KLF8: variants seen among roughly 807,000 people sequenced by gnomAD.
KLF8 encodes KLF transcription factor 8.
In KLF8, 10 loss-of-function variants were observed where a neutral mutation model predicts 18.2. The observed-to-expected ratio is 0.55, with a 90% confidence interval of 0.34 to 0.93. The LOEUF is 0.93. Ranked by LOEUF, KLF8 falls within the 40% of genes least tolerant of loss-of-function variation. The pLI, the probability that KLF8 is intolerant of heterozygous loss-of-function variation, is 0.02. For synonymous variants in KLF8, 109 were observed against 97.3 expected (o/e 1.12, Z -0.71); for missense variants, 264 against 277.9 (o/e 0.95, Z 0.36).
In KLF8 at chrX:56,268,922, G is replaced by A. The variant is rs771806501; in HGVS notation, c.647-456G>A. ...ACTTATTTCTGTTTAGGAGCACAAA[G>A]GCCAAGGTGGATGTTCTCACATCTG... On this transcript the variant is annotated intron_variant, in intron 3 of 5. Coordinates refer to ENST00000468660, the MANE Select transcript of KLF8 (RefSeq NM_007250.5). 5.8e-5 allele frequency: 55 copies of A among 950,701 alleles called. No homozygotes were observed. The African/African-American group carries it at 1.1e-3, about 19-fold the overall frequency. 78.3% of individuals were successfully genotyped at this position (950,701 alleles called of 1,213,427 possible). A position where few individuals can be genotyped will look rare whatever the true frequency, so the allele number is the denominator to read the frequency against.
the KLF8 span, among the ~76,000 whole-genome samples, chrX:56,155,022 T>C: frequency 8.9e-6 from 1 of 112,097 alleles, no homozygotes; most frequent in African/African-American, 3.2e-5. Context: ...GTAAACTAGT[T>C]CAACCATTGT....
chrX:56,072,807 C>A, the KLF8 span, among the ~76,000 whole-genome samples: 1 of 111,273 alleles, frequency 9.0e-6, no homozygotes, highest in African/African-American at 3.3e-5. Flanking sequence ...TTTCCAAATG[C>A]TTTTAATCAT....
At chrX:56,072,987 AT>A in the KLF8 span, among the ~76,000 whole-genome samples, 35,797 of 82,748 alleles carry the variant, frequency 0.43, 7,453 homozygotes, top group East Asian at 0.64. Flanking sequence ...TTCGCTTAGC[AT>A]TTTTTTTTTT....
chrX:56,076,063 GT>G, the KLF8 span, among the ~76,000 whole-genome samples: 1 of 106,687 alleles, frequency 9.4e-6, no homozygotes, highest in Non-Finnish European at 1.9e-5. Context: ...GCAGTGTTTG[GT>G]TTTTTGTTCT....
At chrX:55,913,327 G>A in the KLF8 span, among the ~76,000 whole-genome samples, 1 of 111,625 alleles carries the variant, frequency 9.0e-6, no homozygotes, top group Non-Finnish European at 1.9e-5. Context: ...ATATGTTGGA[G>A]TCTTAATTCC....
chrX:56,250,639 A>T (rs2066695607), intron 2 of KLF8, among the ~76,000 whole-genome samples: 1 of 112,002 alleles, frequency 8.9e-6, no homozygotes, highest in Admixed American at 9.5e-5. Flanking sequence ...TCTTCACCAT[A>T]ATCCTGTTGA....
intron 2 of KLF8, among the ~76,000 whole-genome samples, chrX:56,261,413 T>G (rs980184992): frequency 3.6e-5 from 4 of 111,709 alleles, no homozygotes; most frequent in African/African-American, 1.3e-4. Context: ...TAGAGAACAC[T>G]TAAAAACTGA....
At chrX:56,194,344 C>T in the KLF8 span, among the ~76,000 whole-genome samples, 1 of 111,717 alleles carries the variant, frequency 9.0e-6, no homozygotes, top group African/African-American at 3.3e-5. Flanking sequence ...CCTGGAAAAA[C>T]GGGACACTCC....
chrX:56,210,837 C>A, the KLF8 span, among the ~76,000 whole-genome samples: 1 of 108,895 alleles, frequency 9.2e-6, no homozygotes, highest in African/African-American at 3.3e-5. Context: ...CTGATGCATT[C>A]TTCAGCATGC....
At chrX:56,196,039 T>A in the KLF8 span, among the ~76,000 whole-genome samples, 1 of 111,294 alleles carries the variant, frequency 9.0e-6, no homozygotes, top group Non-Finnish European at 1.9e-5. Flanking sequence ...TGCTGAGAGA[T>A]TATGTCACCA....
the KLF8 span, among the ~76,000 whole-genome samples, chrX:55,915,038 C>A: frequency 9.0e-6 from 1 of 110,559 alleles, no homozygotes; most frequent in Non-Finnish European, 1.9e-5. Context: ...TAGACAGAAA[C>A]CTTAGGACTC....
At chrX:56,212,429 A>G in the KLF8 span, among the ~76,000 whole-genome samples, 1 of 112,159 alleles carries the variant, frequency 8.9e-6, no homozygotes, top group Non-Finnish European at 1.9e-5. Context: ...TGGCCTTTCA[A>G]GTTTACTTAG....
At chrX:55,988,378 A>G in the KLF8 span, among the ~76,000 whole-genome samples, 1 of 111,867 alleles carries the variant, frequency 8.9e-6, no homozygotes, top group East Asian at 2.8e-4. Flanking sequence ...TAATTTTTGT[A>G]TAAGGTGTAA....
At chrX:56,083,076 C>G in the KLF8 span, among the ~76,000 whole-genome samples, 2 of 111,582 alleles carry the variant, frequency 1.8e-5, no homozygotes, top group East Asian at 2.8e-4. Flanking sequence ...TGTCTGTCCT[C>G]AAGTTTGAGA....
the KLF8 span, among the ~76,000 whole-genome samples, chrX:56,104,681 A>AT: frequency 1.8e-5 from 2 of 110,969 alleles, no homozygotes; most frequent in African/African-American, 3.3e-5. Context: ...GGATTCATTG[A>AT]TTTTTTGAAG....
the KLF8 span, among the ~76,000 whole-genome samples, chrX:56,073,204 G>A: frequency 1.8e-5 from 2 of 110,877 alleles, no homozygotes; most frequent in African/African-American, 3.3e-5. Context: ...AGCCAGGATG[G>A]TCTTGATCTC....
chrX:55,985,134 T>C, the KLF8 span, among the ~76,000 whole-genome samples: 1 of 111,729 alleles, frequency 9.0e-6, no homozygotes, highest in Non-Finnish European at 1.9e-5. Flanking sequence ...TATAATTAGA[T>C]CTTATTCATC....
the KLF8 span, among the ~76,000 whole-genome samples, chrX:56,134,961 C>T: frequency 2.1e-3 from 228 of 111,179 alleles, 2 homozygotes; most frequent in African/African-American, 6.6e-3. Context: ...AACCACAGTG[C>T]GATACCACCT....
the KLF8 span, among the ~76,000 whole-genome samples, chrX:56,012,908 A>G: frequency 2.7e-5 from 3 of 112,278 alleles, no homozygotes; most frequent in African/African-American, 9.7e-5. Flanking sequence ...AGCCAAGACA[A>G]TCCTAAGCAA....
Sources: allele counts gnomAD v4.1 joint callset (sites outside exome capture counted in the v4.1 genomes callset), GRCh38; gene constraint gnomAD v4.1.1; transcripts MANE v1.5; gene names NCBI Gene and HGNC (gene_info 2026-07-23, HGNC 2026-07-21).